GLIS1: variants seen among roughly 807,000 people sequenced by gnomAD.
GLIS1 encodes GLIS family zinc finger 1, also known as zinc finger protein GLIS1.
A neutral mutation model predicts 63.8 loss-of-function variants in GLIS1; 24 were observed. The observed-to-expected ratio is 0.38, with a 90% CI of 0.27 to 0.53. GLIS1 has a LOEUF of 0.53. GLIS1 is among the 20% of genes least tolerant of loss of function. The pLI is 0.85. For missense variants in GLIS1, 1,036 were observed against 1,074.1 expected (o/e 0.96, Z 0.50); for synonymous variants, 450 against 482.5 (o/e 0.93, Z 0.88).
chr1:53,724,159 G>A (rs1003570123), intron 2 of GLIS1, among the ~76,000 whole-genome samples: 1 of 152,186 alleles, frequency 6.6e-6, no homozygotes, highest in African/African-American at 2.4e-5. Context: ...ACACTTCTAT[G>A]GCCATCTGCC....
chr1:53,641,218 A>G (rs533342514), intron 2 of GLIS1, among the ~76,000 whole-genome samples: 2 of 152,254 alleles, frequency 1.3e-5, no homozygotes, highest in South Asian at 4.1e-4. Flanking sequence ...CCTCCAGCTG[A>G]GTACCTGGGC....
At chr1:53,562,356 G>T (rs752469798) in intron 4 of GLIS1, among the ~76,000 whole-genome samples, 2 of 152,210 alleles carry the variant, frequency 1.3e-5, no homozygotes, top group African/African-American at 2.4e-5. Flanking sequence ...ACCGTGCAGA[G>T]ATGAGACACA....
chr1:53,511,529 A>G lies in GLIS1; in HGVS notation c.1884-1502T>C, dbSNP rs1449582645. The stretch of plus-strand genomic sequence containing the variant: ...ACTGTGAGCTCGCTGAGGACAGGGG[A>G]AGCAGGGCCTCGGTGCTGGGTCCCT... On this transcript the variant is annotated intron_variant, in intron 8 of 10. Coordinates refer to ENST00000628545, the MANE Select transcript of GLIS1 (RefSeq NM_001367484.1). This position sits in a 1 kb window ranked among gnomAD's most constrained non-coding sequence, Gnocchi z 4.2. 6.6e-6 allele frequency among the ~76,000 whole-genome samples: 1 copy of G among 152,154 alleles called. No individual in the cohort carries two copies. The highest frequency in any genetic ancestry group is 1.5e-5 in the Non-Finnish European group (1 of 68,018).
chr1:53,537,078 G>A (rs1182490693), intron 4 of GLIS1, among the ~76,000 whole-genome samples: 1 of 152,232 alleles, frequency 6.6e-6, no homozygotes, highest in African/African-American at 2.4e-5. Context: ...GCTGCGTGCC[G>A]CTCACAGAGC....
chr1:53,654,070 A>G (rs113259213), intron 2 of GLIS1, among the ~76,000 whole-genome samples: 21 of 152,310 alleles, frequency 1.4e-4, no homozygotes, highest in African/African-American at 5.1e-4. Context: ...CTTGGGACTG[A>G]GACCAGTACA....
intron 2 of GLIS1, among the ~76,000 whole-genome samples, chr1:53,617,882 C>T (rs1296045239): frequency 6.6e-6 from 1 of 152,142 alleles, no homozygotes; most frequent in Non-Finnish European, 1.5e-5. Flanking sequence ...CCCCCAAGGT[C>T]ACAGAGTGAG....
intron 2 of GLIS1, among the ~76,000 whole-genome samples, chr1:53,693,966 G>A (rs760332141): frequency 2.0e-5 from 3 of 152,192 alleles, no homozygotes; most frequent in Non-Finnish European, 2.9e-5. Context: ...TTCCCTGAGC[G>A]CCTGCCTGGG....
chr1:53,694,308 G>A (rs1646441331), intron 2 of GLIS1, among the ~76,000 whole-genome samples: 1 of 152,146 alleles, frequency 6.6e-6, no homozygotes, highest in Admixed American at 6.5e-5. Context: ...ACAGCACACC[G>A]TAGGTGCTCA....
rs570668109 is a variant in GLIS1, at chr1:53,600,160, T to C, written c.378A>G (p.Pro126=). ...AAGCTTGGGGGTGAGCCCGGGGCGG[T>C]GGGCTTCCTGCAGGGAGAAACAGGC... ...CQGLFLPAGS[P]PPRAHPQACE... is the part of the protein sequence containing the mutation. The change falls in exon 3 of 11, where the codon CCA becomes CCG. Residue 126 remains proline, a synonymous_variant. Coordinates refer to ENST00000628545, the MANE Select transcript of GLIS1 (RefSeq NM_001367484.1). 5 of 1,231,310 alleles carry C rather than the reference T, an allele frequency of 4.1e-6. No homozygotes were observed. The highest frequency in any genetic ancestry group is 5.1e-6 in the Non-Finnish European group (5 of 987,230). The allele number at this position is 1,231,310 out of a possible 1,614,324, so 76.3% of individuals were successfully genotyped here. A position where few individuals can be genotyped will look rare whatever the true frequency, so the allele number is the denominator to read the frequency against.
chr1:53,704,036 CA>C (rs1274041938), intron 2 of GLIS1, among the ~76,000 whole-genome samples: 1 of 152,246 alleles, frequency 6.6e-6, no homozygotes, highest in Non-Finnish European at 1.5e-5. Flanking sequence ...CAACATTCTT[CA>C]ATAAGAGGGA....
intron 2 of GLIS1, among the ~76,000 whole-genome samples, chr1:53,630,930 A>G (rs994181124): frequency 1.3e-5 from 2 of 152,214 alleles, no homozygotes; most frequent in Non-Finnish European, 2.9e-5. Context: ...AATATTTGAA[A>G]ATACTTTTTG....
chr1:53,613,133 A>T (rs1557481178), intron 2 of GLIS1, among the ~76,000 whole-genome samples: 1 of 152,186 alleles, frequency 6.6e-6, no homozygotes, highest in East Asian at 1.9e-4. Flanking sequence ...CCTTTAAACA[A>T]ATGCTTTTTA....
In GLIS1 at chr1:53,539,720, C is replaced by T. The variant is rs1266817690; in HGVS notation, c.1321-9768G>A. 1.3e-5 allele frequency among the ~76,000 whole-genome samples: 2 copies of T among 152,204 alleles called. No individual in the cohort carries two copies. Among genetic ancestry groups the T allele is most frequent in the Non-Finnish European group, 2.9e-5 (2 of 68,044 alleles). On this transcript the variant is annotated intron_variant, in intron 4 of 10. Transcript: ENST00000628545. This position sits in a 1 kb window ranked among gnomAD's most constrained non-coding sequence, Gnocchi z 5.0. The stretch of plus-strand genomic sequence containing the variant: ...AACCCCCACCCACCAGCCACACCGA[C>T]ACACTGCCCCACGCATAGCACAGCA...
chr1:53,581,643 G>A (rs1374567799), intron 4 of GLIS1, among the ~76,000 whole-genome samples: 2 of 152,230 alleles, frequency 1.3e-5, no homozygotes, highest in Non-Finnish European at 2.9e-5. Flanking sequence ...TCGAGAGGCA[G>A]TCAGGGAAGG....
chr1:53,656,354 C>T (rs185386036), intron 2 of GLIS1, among the ~76,000 whole-genome samples: 3 of 152,304 alleles, frequency 2.0e-5, no homozygotes, highest in African/African-American at 7.2e-5. Context: ...TCCTCCTGGC[C>T]AAGCTGCAGA....
intron 4 of GLIS1, among the ~76,000 whole-genome samples, chr1:53,588,775 TA>T (rs1645160854): frequency 6.6e-6 from 1 of 152,112 alleles, no homozygotes; most frequent in Non-Finnish European, 1.5e-5. Context: ...TGGGCAAAAG[TA>T]GATGAGTAGA....
chr1:53,690,230 G>A (rs1646387405), intron 2 of GLIS1, among the ~76,000 whole-genome samples: 1 of 152,352 alleles, frequency 6.6e-6, no homozygotes, highest in South Asian at 2.1e-4. Flanking sequence ...GCCCAGCAAC[G>A]CTCGGCACCA....
At chr1:53,613,839 C>T (rs1021333931) in intron 2 of GLIS1, among the ~76,000 whole-genome samples, 1 of 152,172 alleles carries the variant, frequency 6.6e-6, no homozygotes, top group African/African-American at 2.4e-5. Context: ...TTCTCACTGC[C>T]CCATTTGTAA....
rs112780974 is a variant in GLIS1 at position 53,526,526 on chromosome 1, TACACACACAC to T, written c.1483-1649_1483-1640del. Among the ~76,000 whole-genome samples the T allele has an allele frequency of 4.8e-5, 7 of 144,948 alleles. No homozygotes were observed. Among genetic ancestry groups the T allele is most frequent in the South Asian group, 2.2e-4 (1 of 4,522 alleles). On this transcript the variant is annotated intron_variant, in intron 5 of 10. Coordinates refer to ENST00000628545, the MANE Select transcript of GLIS1 (RefSeq NM_001367484.1). This position sits in a 1 kb window ranked among gnomAD's most constrained non-coding sequence, Gnocchi z 4.4. ...GGTAGGCTCCCTCTCTCACACACCA[TACACACACAC>T]ACACACACACACACACAAAACCACC...
Sources: gnomAD v4.1 joint callset for allele counts (sites outside exome capture counted in the v4.1 genomes callset) on GRCh38, gnomAD v4.1.1 for gene constraint, Gnocchi (gnomAD v3.1) non-coding constraint, MANE v1.5 for transcripts, NCBI Gene and HGNC (gene_info 2026-07-23, HGNC 2026-07-21) for gene names.